Variants in CBLN2 observed in about 807,000 individuals in gnomAD.
CBLN2 encodes the protein cerebellin-2.
CBLN2 carries 7 observed loss-of-function variants against 15.0 expected under a neutral mutation model. That is an observed-to-expected ratio of 0.47 (90% CI 0.27 to 0.88). CBLN2 has a LOEUF of 0.88. CBLN2 is among the 40% of genes least tolerant of loss of function. CBLN2 has a pLI of 0.14. For synonymous variants in CBLN2, 149 were observed against 135.2 expected (o/e 1.10, Z -0.71); for missense variants, 242 against 304.5 (o/e 0.79, Z 1.53).
chr18:72,594,770 T>C (rs1393830266), intron 1 of CBLN2, among the ~76,000 whole-genome samples: 1 of 152,146 alleles, frequency 6.6e-6, no homozygotes, highest in African/African-American at 2.4e-5. Flanking sequence ...AGGTTGTATG[T>C]GTCTAGGAAT....
upstream of CBLN2, among the ~76,000 whole-genome samples, chr18:72,546,942 T>G (rs2069162116): frequency 6.6e-6 from 1 of 152,118 alleles, no homozygotes; most frequent in Admixed American, 6.6e-5. Context: ...CATTATAGAT[T>G]TGCTGTTGGA....
At chr18:72,557,992 C>G (rs1445467613) in intron 1 of CBLN2, among the ~76,000 whole-genome samples, 1 of 152,164 alleles carries the variant, frequency 6.6e-6, no homozygotes, top group Non-Finnish European at 1.5e-5. Context: ...GTTTTTCCAG[C>G]ACAGAGTGCT....
chr18:72,616,472 A>G (rs943465639), intron 1 of CBLN2, among the ~76,000 whole-genome samples: 3 of 151,950 alleles, frequency 2.0e-5, no homozygotes, highest in Non-Finnish European at 2.9e-5. Flanking sequence ...TCTGTTTCTC[A>G]TTGGAACAGA....
chr18:72,613,416 C>G (rs1417817609), intron 1 of CBLN2, among the ~76,000 whole-genome samples: 2 of 152,148 alleles, frequency 1.3e-5, no homozygotes, highest in Non-Finnish European at 2.9e-5. Context: ...TTCCCAATAT[C>G]TGGCACATAG....
chr18:72,582,854 C>G (rs2069414988), intron 1 of CBLN2, among the ~76,000 whole-genome samples: 1 of 152,198 alleles, frequency 6.6e-6, no homozygotes, highest in Non-Finnish European at 1.5e-5. Flanking sequence ...CATGATCTTA[C>G]TTGGAATTAC....
upstream of CBLN2, among the ~76,000 whole-genome samples, chr18:72,544,921 G>A (rs2069147499): frequency 1.3e-5 from 2 of 151,154 alleles, no homozygotes; most frequent in South Asian, 4.2e-4. Context: ...TTTAAAACAT[G>A]GTTAAAAAAT....
chr18:72,572,981 A>T (rs2069341872), intron 1 of CBLN2, among the ~76,000 whole-genome samples: 1 of 152,228 alleles, frequency 6.6e-6, no homozygotes, highest in Non-Finnish European at 1.5e-5. Context: ...TTGATTAGTG[A>T]AGGAGCTTTT....
At chr18:72,625,825 T>C (rs968266062) in intron 1 of CBLN2, among the ~76,000 whole-genome samples, 1 of 106,614 alleles carries the variant, frequency 9.4e-6, no homozygotes, top group African/African-American at 4.0e-5. Flanking sequence ...TCTCTATATA[T>C]ATATATATAT....
At chr18:72,609,410 T>C (rs2069605955) in intron 1 of CBLN2, among the ~76,000 whole-genome samples, 1 of 152,006 alleles carries the variant, frequency 6.6e-6, no homozygotes. Context: ...GAGAGACCAT[T>C]TGAAGACACA....
At chr18:72,578,220 T>G (rs749352461) in intron 1 of CBLN2, among the ~76,000 whole-genome samples, 8 of 152,238 alleles carry the variant, frequency 5.3e-5, no homozygotes, top group Non-Finnish European at 1.0e-4. Context: ...AGCAAAGTTT[T>G]CATACAAGTG....
At chr18:72,565,366 G>C (rs912570060) in intron 1 of CBLN2, among the ~76,000 whole-genome samples, 2 of 151,788 alleles carry the variant, frequency 1.3e-5, no homozygotes, top group African/African-American at 4.8e-5. Context: ...AGTATTTCTA[G>C]TATAAATATT....
chr18:72,554,148 A>T (rs1338990562), intron 1 of CBLN2, among the ~76,000 whole-genome samples: 3 of 152,188 alleles, frequency 2.0e-5, no homozygotes, highest in Admixed American at 6.6e-5. Context: ...ATTAAAAATT[A>T]TAAGATTATT....
chr18:72,629,369 C>T (rs1306654345), intron 1 of CBLN2, among the ~76,000 whole-genome samples: 1 of 151,608 alleles, frequency 6.6e-6, no homozygotes, highest in African/African-American at 2.4e-5. Flanking sequence ...AACTAAAACT[C>T]CCAAACTTAT....
At chr18:72,571,634 C>T (rs77146770) in intron 1 of CBLN2, among the ~76,000 whole-genome samples, 2,192 of 152,278 alleles carry the variant, frequency 0.014, 30 homozygotes, top group Non-Finnish European at 0.02. Flanking sequence ...CCCTTAACTA[C>T]TTGTGTCCAC....
chr18:72,568,878 T>C (rs775285087), intron 1 of CBLN2, among the ~76,000 whole-genome samples: 9 of 152,220 alleles, frequency 5.9e-5, no homozygotes, highest in Admixed American at 1.3e-4. Flanking sequence ...ATATTTAAAG[T>C]GTTTCCAGTC....
chr18:72,598,184 A>C (rs971938204), intron 1 of CBLN2, among the ~76,000 whole-genome samples: 13 of 150,744 alleles, frequency 8.6e-5, no homozygotes, highest in Non-Finnish European at 1.2e-4. Context: ...TCTGAGTTTC[A>C]TCCAAAGTCC....
chr18:72,548,342 C>G (rs1370244431), upstream of CBLN2, among the ~76,000 whole-genome samples: 2 of 152,152 alleles, frequency 1.3e-5, no homozygotes, highest in South Asian at 4.1e-4. Flanking sequence ...GTTTCCAAAA[C>G]TATTTGCTAG....
chr18:72,608,332 A>C (rs2144950824), intron 1 of CBLN2, among the ~76,000 whole-genome samples: 1 of 152,100 alleles, frequency 6.6e-6, no homozygotes, highest in East Asian at 1.9e-4. Context: ...GTCTTTTCAT[A>C]CTTTCCCTCC....
At chr18:72,572,572 T>G (rs1386627658) in intron 1 of CBLN2, among the ~76,000 whole-genome samples, 1 of 152,160 alleles carries the variant, frequency 6.6e-6, no homozygotes, top group East Asian at 1.9e-4. Context: ...GATTTTAACT[T>G]GAATTATCAT....
Sources: allele counts gnomAD v4.1 joint callset (sites outside exome capture counted in the v4.1 genomes callset), GRCh38; gene constraint gnomAD v4.1.1; transcripts MANE v1.5; gene names NCBI Gene and HGNC (gene_info 2026-07-23, HGNC 2026-07-21).